Variants in ENSA observed in about 807,000 individuals in gnomAD.
ENSA encodes alpha-endosulfine.
ENSA carries 7 observed loss-of-function variants against 16.8 expected under a neutral mutation model. The observed-to-expected ratio is 0.42, with a 90% confidence interval of 0.24 to 0.78. The LOEUF is 0.78. Among genes scored for constraint, ENSA ranks in the 30% least tolerant of loss-of-function variants. The pLI, the probability that ENSA is intolerant of heterozygous loss-of-function variation, is 0.29. For missense variants in ENSA, 87 were observed against 142.3 expected (o/e 0.61, Z 1.98); for synonymous variants, 58 against 53.4 (o/e 1.09, Z -0.37).
In ENSA at chr1:150,627,087, T is replaced by G. The variant is rs1178605188; in HGVS notation, c.183+380A>C. On this transcript the variant is annotated intron_variant, in intron 2 of 3. Coordinates refer to ENST00000369014, the MANE Select transcript of ENSA (RefSeq NM_004436.4). ...GATTTATTTCTGTAGGAGAGATGGT[T>G]TGATCTTCTTCTGAAATGATGCATC... is the stretch of plus-strand genomic sequence containing the variant. 7 of 1,358,428 alleles carry G rather than the reference T, an allele frequency of 5.2e-6. No homozygotes were observed. In the East Asian group the frequency reaches 2.0e-4, roughly 39 times the overall value. 84.1% of individuals were successfully genotyped at this position (1,358,428 alleles called of 1,614,324 possible).
At chr1:150,628,955 A>T in intron 1 of ENSA, 4 of 1,100,012 alleles carry the variant, frequency 3.6e-6, no homozygotes, top group Non-Finnish European at 5.5e-6. Context: ...TAATAACTAC[A>T]CTTCTCCCCT....
At chr1:150,625,609 T>C (rs1270122107) in intron 3 of ENSA, 33 bp downstream of exon 3, 2 of 1,558,786 alleles carry the variant, frequency 1.3e-6, no homozygotes, top group African/African-American at 2.7e-5. Context: ...GTCCAGTGGT[T>C]GAGGAAGGGG....
Position 150,625,788 on chromosome 1 carries a change from T to C in ENSA, c.204A>G (p.Gly68=). ...LQKGQKYFDS[G]DYNMAKAKMK... ...TCTTGGCTTTGGCCATGTTGTAGTC[T>C]CCTGAGTCAAAGTACTTTTGCTAAG... The change falls in exon 3 of 4, where the codon GGA becomes GGG. Residue 68 remains glycine (G), a synonymous_variant. Coordinates refer to ENST00000369014, the MANE Select transcript of ENSA (RefSeq NM_004436.4). The C allele has an allele frequency of 1.2e-6, 2 of 1,606,380 alleles. No individual in the cohort carries two copies. The highest frequency in any genetic ancestry group is 1.7e-6 in the Non-Finnish European group (2 of 1,175,870).
At chr1:150,628,606 T>C (rs941977702) in intron 1 of ENSA, among the ~76,000 whole-genome samples, 8 of 152,130 alleles carry the variant, frequency 5.3e-5, no homozygotes, top group African/African-American at 1.9e-4. Context: ...TCTTGGAAAT[T>C]ACGCATAGAT....
At chr1:150,623,833 G>A (rs1170401257) in intron 3 of ENSA, 1 of 985,598 alleles carries the variant, frequency 1.0e-6, no homozygotes, top group Non-Finnish European at 1.2e-6. Flanking sequence ...AGGGAGTCCA[G>A]GGATCCTGCT....
At chr1:150,628,873 G>A (rs1649536351) in intron 1 of ENSA, 3 of 617,360 alleles carry the variant, frequency 4.9e-6, no homozygotes, top group Non-Finnish European at 8.6e-6. Flanking sequence ...CCTCACTGAA[G>A]GTGAGCAATA....
chr1:150,626,857 A>T (rs587773304), intron 2 of ENSA, among the ~76,000 whole-genome samples: 19 of 152,104 alleles, frequency 1.2e-4, no homozygotes, highest in East Asian at 3.9e-4. Context: ...TTTTTTTTTT[A>T]AAAAACGATA....
intron 3 of ENSA, chr1:150,624,343 G>A (rs1649157857): frequency 1.0e-6 from 1 of 985,762 alleles, no homozygotes; most frequent in African/African-American, 1.7e-5. Context: ...AGCCCTGCAG[G>A]AGTACTCAGC....
intron 2 of ENSA, chr1:150,626,511 G>A (rs1214832036): frequency 6.2e-7 from 1 of 1,613,728 alleles, no homozygotes; most frequent in Non-Finnish European, 8.5e-7. Context: ...ACACTCCAAT[G>A]TAATGATTTA....
chr1:150,628,992 G>T lies in ENSA; in HGVS notation c.57+422C>A. The T allele has an allele frequency of 3.3e-6, 5 of 1,520,446 alleles. No homozygotes were observed. In the Admixed American group the frequency reaches 5.4e-5, roughly 16 times the overall value. The allele number at this position is 1,520,446 out of a possible 1,614,324, so 94.2% of individuals were successfully genotyped here. ...CCCCAATACTGGTTTTTTTTTAAAC[G>T]TCTTTACCTCGACCCCTATCTTTGC... On this transcript the variant is annotated intron_variant, in intron 1 of 3. Transcript: ENST00000369014.
In ENSA at chr1:150,625,657, G is replaced by T. The variant is rs201883426; in HGVS notation, c.335C>A (p.Thr112Asn). The change falls in exon 3 of 4, where the codon ACC (threonine) becomes AAC (asparagine). Residue 112 changes from threonine (T) to asparagine (N), a missense_variant. Transcript: ENST00000369014. ...CTCAGGTTACCCCGCAAGCTTGCTG[G>T]TGACGAGCGAGGACTTTCTCTGGGG... ...DLPQRKSSLV[T>N]SKLAGGQVE 6.2e-7 allele frequency: 1 copy of T among 1,606,134 alleles called. No individual in the cohort carries two copies. The highest frequency in any genetic ancestry group is 2.3e-5 in the East Asian group (1 of 44,424).
In ENSA at chr1:150,629,586, T is replaced by C; in HGVS notation, c.-116A>G. 7.5e-7 allele frequency: 1 copy of C among 1,340,800 alleles called. No individual in the cohort carries two copies. The allele number at this position is 1,340,800 out of a possible 1,614,324, so 83.1% of individuals were successfully genotyped here. A position where few individuals can be genotyped will look rare whatever the true frequency, so the allele number is the denominator to read the frequency against. ...CTTCGGCTCCTGTCACTAGGGTTGC[T>C]CAGTCAAAATGGCGGCCCTTGCCCG... On this transcript the variant is annotated 5_prime_UTR_variant, in exon 1 of 4. Transcript: ENST00000369014.
chr1:150,627,077 G>A (rs1649384945), intron 2 of ENSA: 4 of 1,327,434 alleles, frequency 3.0e-6, no homozygotes, highest in Non-Finnish European at 3.8e-6. Context: ...ATTTCTGTAG[G>A]AGAGATGGTT....
chr1:150,627,081 G>A, intron 2 of ENSA: 1 of 1,339,382 alleles, frequency 7.5e-7, no homozygotes, highest in Non-Finnish European at 9.6e-7. Flanking sequence ...CTGTAGGAGA[G>A]ATGGTTTGAT....
At chr1:150,628,339 T>C (rs780230707) in intron 1 of ENSA, among the ~76,000 whole-genome samples, 18 of 152,126 alleles carry the variant, frequency 1.2e-4, no homozygotes, top group Non-Finnish European at 1.9e-4. Flanking sequence ...CCACAAATAT[T>C]ATGGTAGCAA....
chr1:150,625,703 T>G lies in ENSA; in HGVS notation c.289A>C (p.Ile97Leu). 6.2e-7 allele frequency: 1 copy of G among 1,613,280 alleles called. No homozygotes were observed. The highest frequency in any genetic ancestry group is 8.5e-7 in the Non-Finnish European group (1 of 1,179,684). ...PDKNLVTGDHIPTPQDLPQRK... is the reference protein window; with the variant it reads ...PDKNLVTGDHLPTPQDLPQRK... ...TGGGGCAGATCCTGTGGGGTGGGGA[T>G]GTGATCACCAGTCACCAGGTTCTTG... Residue 97 changes from isoleucine (I) to leucine (L), a missense_variant, in exon 3 of 4, where the codon ATC becomes CTC. Transcript: ENST00000369014.
chr1:150,627,397 C>A, intron 2 of ENSA, 70 bp downstream of exon 2: 2 of 1,614,224 alleles, frequency 1.2e-6, no homozygotes, highest in Non-Finnish European at 1.7e-6. Context: ...TCCAGTAGAA[C>A]CTCTACAGAC....
chr1:150,627,443 A>G (rs1649418972), intron 2 of ENSA, 24 bp downstream of exon 2: 7 of 1,614,238 alleles, frequency 4.3e-6, no homozygotes, highest in Non-Finnish European at 5.9e-6. Flanking sequence ...CCAAAGAAAG[A>G]GGGTAAGAGA....
intron 3 of ENSA, among the ~76,000 whole-genome samples, chr1:150,623,069 G>A (rs1421148308): frequency 6.6e-6 from 1 of 152,102 alleles, no homozygotes; most frequent in Non-Finnish European, 1.5e-5. Context: ...ACGAAACAAC[G>A]TTATCTGCCT....
Sources: gnomAD v4.1 joint callset for allele counts (sites outside exome capture counted in the v4.1 genomes callset) on GRCh38, gnomAD v4.1.1 for gene constraint, MANE v1.5 for transcripts, NCBI Gene and HGNC (gene_info 2026-07-23, HGNC 2026-07-21) for gene names.